The following HNRNPUL1 variants were observed in gnomAD, a reference collection of about 807,000 sequenced individuals.
HNRNPUL1 encodes heterogeneous nuclear ribonucleoprotein U-like protein 1.
Under a neutral mutation model 108.5 loss-of-function variants are expected in HNRNPUL1, and 14 were observed. The observed-to-expected ratio is 0.13, with a 90% confidence interval of 0.09 to 0.20. HNRNPUL1 has a LOEUF of 0.20. HNRNPUL1 is among the 10% of genes least tolerant of loss of function. The pLI is 1.00. For missense variants in HNRNPUL1, 804 were observed against 1,168.3 expected (o/e 0.69, Z 4.55); for synonymous variants, 422 against 445.2 (o/e 0.95, Z 0.66).
At chr19:41,268,094 A>C in intron 1 of HNRNPUL1, 129 bp from the exon 2 acceptor site, 1 of 860,736 alleles carries the variant, frequency 1.2e-6, no homozygotes, top group Non-Finnish European at 1.8e-6. Flanking sequence ...GCATGCCATG[A>C]ATAGTTAATA....
intron 13 of HNRNPUL1, 56 bp downstream of exon 13, chr19:41,304,317 G>C: frequency 1.3e-6 from 2 of 1,535,968 alleles, no homozygotes; most frequent in Non-Finnish European, 1.8e-6. Flanking sequence ...TTTTGAACCT[G>C]AGCAAGTTAG....
upstream of HNRNPUL1, among the ~76,000 whole-genome samples, chr19:41,263,834 C>T (rs1440349156): frequency 6.6e-6 from 1 of 152,134 alleles, no homozygotes; most frequent in Non-Finnish European, 1.5e-5. Flanking sequence ...ACCGCCCTAA[C>T]GGCAAGGGGC....
In HNRNPUL1 at chr19:41,269,944, A is replaced by G. The variant is rs187911898; in HGVS notation, c.418+1599A>G. On this transcript the variant is annotated intron_variant, in intron 2 of 14. Coordinates refer to ENST00000392006, the MANE Select transcript of HNRNPUL1 (RefSeq NM_007040.6). ...CCCTGTCTCTATAAAAAATAAAAATATTACCTGAGCATGGTTGCACAATCC... is the reference window on the plus strand; with the variant it reads ...CCCTGTCTCTATAAAAAATAAAAATGTTACCTGAGCATGGTTGCACAATCC... Among the ~76,000 whole-genome samples the G allele has an allele frequency of 7.0e-4, 106 of 151,252 alleles. 2 individuals are homozygous for G. Among genetic ancestry groups the G allele is most frequent in the Admixed American group, 6.5e-3 (99 of 15,218 alleles).
chr19:41,305,672 C>G lies in HNRNPUL1; in HGVS notation c.2263-4C>G. On this transcript the variant is annotated splice_polypyrimidine_tract_variant and splice_region_variant and intron_variant, in intron 13 of 14. Coordinates refer to ENST00000392006, the MANE Select transcript of HNRNPUL1 (RefSeq NM_007040.6). The stretch of plus-strand genomic sequence containing the variant: ...GCTTTGGCTTTTTTCCCTCCACTTT[C>G]CAGCCGAGTTACAGCCAGCCACCCT... 6.2e-7 allele frequency: 1 copy of G among 1,614,094 alleles called. No individual in the cohort carries two copies. Among genetic ancestry groups the G allele is most frequent in the Non-Finnish European group, 8.5e-7 (1 of 1,179,944 alleles).
Position 41,294,488 on chromosome 19 carries a change from C to A in HNRNPUL1, c.1389+28C>A, listed in dbSNP as rs775973037. The A allele has an allele frequency of 6.2e-6, 10 of 1,614,008 alleles. No homozygotes were observed. In the Admixed American group the frequency reaches 1.5e-4, roughly 24 times the overall value. Reference sequence around the variant, plus strand: ...AAGGCCAGCCACTGGACTCTCCTTACTCACCTCCAACCTACTGAGTGCTGC... The same window carrying A: ...AAGGCCAGCCACTGGACTCTCCTTAATCACCTCCAACCTACTGAGTGCTGC... On this transcript the variant is annotated intron_variant, in intron 9 of 14. Coordinates refer to ENST00000392006, the MANE Select transcript of HNRNPUL1 (RefSeq NM_007040.6). This position sits in a 1 kb window ranked among gnomAD's most constrained non-coding sequence, Gnocchi z 4.3.
chr19:41,304,711 A>G (rs2037442486), intron 13 of HNRNPUL1, among the ~76,000 whole-genome samples: 1 of 152,178 alleles, frequency 6.6e-6, no homozygotes, highest in African/African-American at 2.4e-5. Context: ...GAGAGCTTCA[A>G]TCCTGAGCAG....
chr19:41,294,782 A>C lies in HNRNPUL1; in HGVS notation c.1518+96A>C, dbSNP rs751529853. On this transcript the variant is annotated intron_variant, in intron 10 of 14. Transcript: ENST00000392006. The surrounding 1 kb of genome is among the most constrained non-coding windows in gnomAD (Gnocchi z 4.3). Reference sequence around the variant, plus strand: ...TGGTCCCTTTCTTTTTTCCCCCGTAATGATGATGGACTGCTGTGCTAGTCG... The same window carrying C: ...TGGTCCCTTTCTTTTTTCCCCCGTACTGATGATGGACTGCTGTGCTAGTCG... 4.4e-5 allele frequency: 63 copies of C among 1,438,158 alleles called. No individual in the cohort carries two copies. The highest frequency in any genetic ancestry group is 5.8e-5 in the Non-Finnish European group (60 of 1,032,906). 89.1% of individuals were successfully genotyped at this position (1,438,158 alleles called of 1,614,324 possible). A position where few individuals can be genotyped will look rare whatever the true frequency, so the allele number is the denominator to read the frequency against.
At chr19:41,265,136 T>A in intron 1 of HNRNPUL1, 2 of 1,409,962 alleles carry the variant, frequency 1.4e-6, no homozygotes, top group Non-Finnish European at 1.8e-6. Flanking sequence ...TCCGTTTGGG[T>A]TGGGGAGGGT....
At chr19:41,295,347 G>A (rs946012331) in intron 10 of HNRNPUL1, among the ~76,000 whole-genome samples, 5 of 152,170 alleles carry the variant, frequency 3.3e-5, no homozygotes, top group African/African-American at 1.2e-4. Context: ...AATATTGTAT[G>A]CAGCTGCAGG....
chr19:41,280,168 C>T (rs998741139), intron 6 of HNRNPUL1, among the ~76,000 whole-genome samples: 1 of 152,044 alleles, frequency 6.6e-6, no homozygotes, highest in African/African-American at 2.4e-5. Flanking sequence ...AAAATATGTT[C>T]ACATGGACTT....
At chr19:41,276,963 T>C (rs1018008770) in intron 5 of HNRNPUL1, among the ~76,000 whole-genome samples, 1 of 151,952 alleles carries the variant, frequency 6.6e-6, no homozygotes, top group Admixed American at 6.6e-5. Flanking sequence ...CCGGGCATGG[T>C]GGCGGGTGCC....
chr19:41,305,527 C>A, intron 13 of HNRNPUL1, 149 bp from the exon 14 acceptor site: 1 of 969,522 alleles, frequency 1.0e-6, no homozygotes, highest in Non-Finnish European at 1.6e-6. Context: ...GGCTCTCCTC[C>A]TTCTCAGCCC....
intron 5 of HNRNPUL1, among the ~76,000 whole-genome samples, chr19:41,278,630 G>T (rs2035717874): frequency 6.6e-6 from 1 of 151,614 alleles, no homozygotes. Context: ...TAATGTTTTT[G>T]TAAAGATGGG....
intron 11 of HNRNPUL1, chr19:41,302,387 T>C: frequency 2.3e-6 from 1 of 426,268 alleles, no homozygotes; most frequent in South Asian, 1.9e-5. Context: ...CCTGGCTAAT[T>C]TTTGTATTTT....
intron 11 of HNRNPUL1, 160 bp downstream of exon 11, chr19:41,301,864 A>T (rs1484438572): frequency 1.5e-6 from 1 of 675,476 alleles, no homozygotes; most frequent in East Asian, 3.0e-5. Context: ...CACAGCTGTG[A>T]ATGGAAAAGC....
At chr19:41,266,015 G>T (rs1240375794) in intron 1 of HNRNPUL1, among the ~76,000 whole-genome samples, 1 of 152,088 alleles carries the variant, frequency 6.6e-6, no homozygotes, top group African/African-American at 2.4e-5. Context: ...GGGGGCCCTC[G>T]GGGAGCAGCA....
intron 1 of HNRNPUL1, among the ~76,000 whole-genome samples, chr19:41,265,839 C>T (rs1447065445): frequency 1.3e-5 from 2 of 151,412 alleles, no homozygotes; most frequent in African/African-American, 4.9e-5. Context: ...ACGTATCTGG[C>T]TTAGCGAATA....
intron 7 of HNRNPUL1, among the ~76,000 whole-genome samples, chr19:41,284,121 A>G (rs1599804087): frequency 6.6e-6 from 1 of 152,338 alleles, no homozygotes; most frequent in Admixed American, 6.5e-5. Context: ...GAGTAGCACC[A>G]TGGGATCCAT....
At chr19:41,276,628 T>C (rs2035574340) in intron 5 of HNRNPUL1, 1 of 193,318 alleles carries the variant, frequency 5.2e-6, no homozygotes, top group South Asian at 1.3e-4. Flanking sequence ...CTAGAAAGAA[T>C]AGACTCAGAT....
Sources: allele counts gnomAD v4.1 joint callset (sites outside exome capture counted in the v4.1 genomes callset), GRCh38; gene constraint gnomAD v4.1.1; non-coding constraint Gnocchi (gnomAD v3.1); transcripts MANE v1.5; gene names NCBI Gene and HGNC (gene_info 2026-07-23, HGNC 2026-07-21).